Variants in ROBO2 observed in about 807,000 individuals in gnomAD.
ROBO2 encodes roundabout homolog 2.
ROBO2 carries 53 observed loss-of-function variants against 160.8 expected under a neutral mutation model. The observed-to-expected ratio is 0.33, with a 90% CI of 0.26 to 0.41. The LOEUF is 0.41. Ranked by LOEUF, ROBO2 falls within the 10% of genes least tolerant of loss-of-function variation. The pLI is 1.00. For synonymous variants in ROBO2, 664 were observed against 611.7 expected (o/e 1.09, Z -1.26); for missense variants, 1,577 against 1,722.4 (o/e 0.92, Z 1.49).
Position 76,546,254 on chromosome 3 carries a change from A to G in ROBO2, c.110-551760A>G, listed in dbSNP as rs1432170120. Among the ~76,000 whole-genome samples the G allele has an allele frequency of 3.9e-5, 6 of 151,948 alleles. No homozygotes were observed. In the East Asian group the frequency reaches 1.2e-3, roughly 29 times the overall value. Reference sequence around the variant, plus strand: ...TAACATTAGGCAAATTTAACTACCTATAATTCTATAAATGGAATTTAAAGA... The same window carrying G: ...TAACATTAGGCAAATTTAACTACCTGTAATTCTATAAATGGAATTTAAAGA... On this transcript the variant is annotated intron_variant, in intron 2 of 26. Coordinates refer to the ROBO2 transcript ENST00000487694.
intron 2 of ROBO2, among the ~76,000 whole-genome samples, chr3:77,436,007 T>C (rs1292485649): frequency 6.6e-6 from 1 of 150,770 alleles, no homozygotes. Context: ...GACTTTGTCA[T>C]TCTTGATTAA....
chr3:77,323,608 A>G (rs140999208), intron 2 of ROBO2, among the ~76,000 whole-genome samples: 71 of 152,270 alleles, frequency 4.7e-4, no homozygotes, highest in African/African-American at 1.5e-3. Flanking sequence ...AGCTAAACCA[A>G]TATTTGATAA....
At chr3:76,415,410 C>A (rs2075714991) in intron 2 of ROBO2, among the ~76,000 whole-genome samples, 1 of 152,084 alleles carries the variant, frequency 6.6e-6, no homozygotes, top group Admixed American at 6.5e-5. Flanking sequence ...TTAATGGGAC[C>A]CTACTTTTAA....
At chr3:76,514,558 T>C (rs115870975) in intron 2 of ROBO2, among the ~76,000 whole-genome samples, 91 of 152,342 alleles carry the variant, frequency 6.0e-4, no homozygotes, top group African/African-American at 2.1e-3. Flanking sequence ...AAAAATATTG[T>C]TGAACAAATG....
At chr3:76,924,625 A>G (rs1404038771) in intron 2 of ROBO2, among the ~76,000 whole-genome samples, 2 of 152,224 alleles carry the variant, frequency 1.3e-5, no homozygotes, top group Non-Finnish European at 2.9e-5. Flanking sequence ...GCAGGAAGCC[A>G]TATTCAATTT....
At chr3:76,387,958 A>G (rs1342254577) in intron 2 of ROBO2, among the ~76,000 whole-genome samples, 1 of 152,240 alleles carries the variant, frequency 6.6e-6, no homozygotes, top group African/African-American at 2.4e-5. Context: ...TCAGAATTTT[A>G]CCTTAGAAAA....
chr3:77,340,950 G>C (rs763254123), intron 2 of ROBO2, among the ~76,000 whole-genome samples: 1 of 152,024 alleles, frequency 6.6e-6, no homozygotes, highest in South Asian at 2.1e-4. Context: ...GCTAGTCTAT[G>C]GGCCAAATCT....
intron 6 of ROBO2, among the ~76,000 whole-genome samples, chr3:77,527,869 T>A (rs1403990273): frequency 6.6e-6 from 1 of 151,574 alleles, no homozygotes; most frequent in Non-Finnish European, 1.5e-5. Flanking sequence ...TTTAGGGATA[T>A]TTTTAGCTGC....
chr3:76,092,995 A>T (rs1576825712), intron 2 of ROBO2, among the ~76,000 whole-genome samples: 1 of 152,284 alleles, frequency 6.6e-6, no homozygotes, highest in Non-Finnish European at 1.5e-5. Flanking sequence ...CATAGCCCAA[A>T]TGTAGAAAAC....
intron 2 of ROBO2, among the ~76,000 whole-genome samples, chr3:76,090,559 T>A (rs1559903571): frequency 6.6e-6 from 1 of 152,184 alleles, no homozygotes; most frequent in Admixed American, 6.5e-5. Flanking sequence ...TCCCAAATAA[T>A]CTTAGCAAGT....
At chr3:77,609,704 T>C (rs1218941085) in intron 21 of ROBO2, among the ~76,000 whole-genome samples, 1 of 151,184 alleles carries the variant, frequency 6.6e-6, no homozygotes, top group East Asian at 1.9e-4. Flanking sequence ...ATGGTGCAAA[T>C]TTTTATTATT....
chr3:76,516,223 A>T (rs1321201108), intron 2 of ROBO2, among the ~76,000 whole-genome samples: 1 of 152,192 alleles, frequency 6.6e-6, no homozygotes, highest in African/African-American at 2.4e-5. Context: ...CTGGGACTCT[A>T]TGAGCAACAG....
chr3:76,318,632 C>T (rs900104203), intron 2 of ROBO2, among the ~76,000 whole-genome samples: 43 of 152,098 alleles, frequency 2.8e-4, no homozygotes, highest in Non-Finnish European at 3.4e-4. Flanking sequence ...ATTGTGTCAG[C>T]GCTTCCATTA....
At chr3:77,103,295 T>C (rs1432539831) in intron 2 of ROBO2, among the ~76,000 whole-genome samples, 5 of 152,216 alleles carry the variant, frequency 3.3e-5, no homozygotes. Context: ...TTTTTTCCGT[T>C]TCCTTTTCTC....
chr3:76,721,258 C>G (rs1276875408), intron 2 of ROBO2, among the ~76,000 whole-genome samples: 1 of 123,674 alleles, frequency 8.1e-6, no homozygotes, highest in Non-Finnish European at 1.8e-5. Context: ...AAACATTTTT[C>G]TTAACTTTTG....
At chr3:76,770,462 A>G (rs370483374) in intron 2 of ROBO2, among the ~76,000 whole-genome samples, 4 of 151,264 alleles carry the variant, frequency 2.6e-5, no homozygotes, top group African/African-American at 9.7e-5. Context: ...TCCATAAACA[A>G]ATAGATTTCC....
chr3:76,519,954 A>C (rs2081518871), intron 2 of ROBO2, among the ~76,000 whole-genome samples: 1 of 152,152 alleles, frequency 6.6e-6, no homozygotes, highest in Non-Finnish European at 1.5e-5. Context: ...CGAAAAGCCT[A>C]AGAACAGACT....
rs138118514 is a variant in ROBO2 at position 76,878,119 on chromosome 3, T to C, written c.110-219895T>C. Among the ~76,000 whole-genome samples the C allele has an allele frequency of 1.5e-3, 232 of 152,244 alleles. 2 individuals carry two copies. The highest frequency in any genetic ancestry group is 5.3e-3 in the African/African-American group (221 of 41,548). ...TGGTGTCGGAGTATGATTCAGTCCA[T>C]AGCATTCCACCCTATGATGCATTGA... On this transcript the variant is annotated intron_variant, in intron 2 of 26. Transcript: ENST00000487694.
chr3:77,272,621 G>T (rs2059573293), intron 2 of ROBO2, among the ~76,000 whole-genome samples: 1 of 152,132 alleles, frequency 6.6e-6, no homozygotes, highest in Non-Finnish European at 1.5e-5. Flanking sequence ...ATGTAAAATT[G>T]TTAAGGATGG....
Sources: gnomAD v4.1 joint callset for allele counts (sites outside exome capture counted in the v4.1 genomes callset) on GRCh38, gnomAD v4.1.1 for gene constraint, MANE v1.5 for transcripts, NCBI Gene and HGNC (gene_info 2026-07-23, HGNC 2026-07-21) for gene names.